Variants in PAH observed in about 807,000 individuals in gnomAD.
PAH encodes phenylalanine hydroxylase.
Under a neutral mutation model 62.0 loss-of-function variants are expected in PAH, and 64 were observed. The observed-to-expected ratio is 1.03, with a 90% CI of 0.84 to 1.27. PAH has a LOEUF of 1.27. Ranked by LOEUF, PAH falls within the 50% of genes most tolerant of loss-of-function variation. The pLI is 0.00. For synonymous variants in PAH, 195 were observed against 196.2 expected, an observed-to-expected ratio of 0.99 and a Z score of 0.05; for missense variants, 579 against 542.8, an observed-to-expected ratio of 1.07 and a Z score of -0.66.
intron 1 of PAH, among the ~76,000 whole-genome samples, chr12:102,924,552 A>T (rs1016317588): frequency 3.9e-5 from 6 of 152,162 alleles, no homozygotes; most frequent in Non-Finnish European, 7.4e-5. Context: ...CAGCAGAATT[A>T]TTTATTGTCC....
chr12:102,940,257 T>C (rs1879244937), intron 1 of PAH, among the ~76,000 whole-genome samples: 1 of 152,272 alleles, frequency 6.6e-6, no homozygotes, highest in Non-Finnish European at 1.5e-5. Flanking sequence ...ACTCTGACAA[T>C]TCTAAAAGCC....
intron 6 of PAH, among the ~76,000 whole-genome samples, chr12:102,854,204 C>T (rs1251295094): frequency 6.6e-6 from 1 of 152,130 alleles, no homozygotes; most frequent in African/African-American, 2.4e-5. Flanking sequence ...TCATCTAACT[C>T]ACCCCCAAAC....
chr12:102,897,967 T>A (rs1877581923), intron 2 of PAH, among the ~76,000 whole-genome samples: 1 of 152,212 alleles, frequency 6.6e-6, no homozygotes, highest in African/African-American at 2.4e-5. Flanking sequence ...AAACCTGGAC[T>A]CTTTACACTG....
chr12:102,866,560 T>C, intron 5 of PAH, 36 bp downstream of exon 5: 1 of 1,562,654 alleles, frequency 6.4e-7, no homozygotes, highest in Non-Finnish European at 8.8e-7. Context: ...GGGGTGTGTT[T>C]TTCTCTCTTC....
At position 102,837,007 on chromosome 12, in the gene PAH, T is replaced by C. The variant is rs1296736306; in HGVS notation, c.*2168A>G. 1 of 152,228 alleles carries C rather than the reference T, an allele frequency of 6.6e-6. No homozygotes were observed. Among genetic ancestry groups the C allele is most frequent in the Admixed American group, 6.5e-5 (1 of 15,288 alleles). The allele number at this position is 152,228 out of a possible 1,614,324, so 9.4% of individuals were successfully genotyped here. On this transcript the variant is annotated 3_prime_UTR_variant, in exon 13 of 13. Transcript: ENST00000553106. ...CTTTCAGAAACTTATTAAACATCAA[T>C]GCCACATGCTTAGAATTTTTTATGT...
At chr12:102,874,395 G>T (rs1876477835) in intron 4 of PAH, among the ~76,000 whole-genome samples, 1 of 152,164 alleles carries the variant, frequency 6.6e-6, no homozygotes, top group Non-Finnish European at 1.5e-5. Flanking sequence ...ACAGGCCCCT[G>T]GAGGGCAGGG....
At chr12:102,946,690 T>C (rs185493833) in intron 1 of PAH, 3 of 152,510 alleles carry the variant, frequency 2.0e-5, no homozygotes, top group African/African-American at 7.2e-5. Context: ...TCTACCTTCT[T>C]AGGTGTCCCT....
chr12:102,931,045 A>G (rs1017865975), intron 1 of PAH, among the ~76,000 whole-genome samples: 1 of 152,210 alleles, frequency 6.6e-6, no homozygotes, highest in Non-Finnish European at 1.5e-5. Context: ...CCAAAAATAC[A>G]GAAACAGTTA....
intron 6 of PAH, among the ~76,000 whole-genome samples, chr12:102,854,294 C>T (rs913114615): frequency 2.6e-5 from 4 of 152,178 alleles, no homozygotes; most frequent in Non-Finnish European, 5.9e-5. Context: ...CTGCACAGCT[C>T]TGATATATAG....
chr12:102,950,684 C>T (rs1879716111), exon 1 of PAH: 1 of 152,220 alleles, frequency 6.6e-6, no homozygotes, highest in Non-Finnish European at 1.5e-5. Context: ...TCGCCCCAGC[C>T]GGTAGTCTCC....
intron 1 of PAH, among the ~76,000 whole-genome samples, chr12:102,922,303 C>T (rs1489053388): frequency 6.6e-6 from 1 of 151,838 alleles, no homozygotes; most frequent in African/African-American, 2.4e-5. Context: ...AAGTGATTCC[C>T]CCACCTCAGC....
At chr12:102,939,393 C>T (rs879867733) in intron 1 of PAH, among the ~76,000 whole-genome samples, 1 of 152,208 alleles carries the variant, frequency 6.6e-6, no homozygotes, top group Non-Finnish European at 1.5e-5. Context: ...CCAGGCAGGG[C>T]CCACTGGCTT....
intron 3 of PAH, among the ~76,000 whole-genome samples, chr12:102,889,428 T>C (rs1007977408): frequency 2.0e-5 from 3 of 151,534 alleles, no homozygotes; most frequent in Admixed American, 6.6e-5. Context: ...GATAGATAGA[T>C]AGATAGATAG....
At chr12:102,873,952 T>C (rs1290438220) in intron 4 of PAH, among the ~76,000 whole-genome samples, 2 of 152,236 alleles carry the variant, frequency 1.3e-5, no homozygotes, top group Non-Finnish European at 2.9e-5. Context: ...AACATGCATA[T>C]GGCCCTTTCA....
intron 11 of PAH, among the ~76,000 whole-genome samples, chr12:102,841,793 C>T (rs977589729): frequency 6.6e-6 from 1 of 152,158 alleles, no homozygotes; most frequent in Non-Finnish European, 1.5e-5. Context: ...GTGATTTACC[C>T]CTACCCTACT....
upstream of PAH, chr12:102,917,499 G>C: frequency 3.1e-6 from 1 of 327,708 alleles, no homozygotes. Context: ...AGGCACTTCC[G>C]GGACTCTCAG....
intron 7 of PAH, 32 bp from the exon 8 acceptor site, chr12:102,851,788 GGGA>G (rs768288352): frequency 1.1e-5 from 17 of 1,588,684 alleles, no homozygotes; most frequent in Non-Finnish European, 1.4e-5. Context: ...GAGCTCGGAG[GGGA>G]GGAGGTTTAA....
chr12:102,917,314 G>T, upstream of PAH: 1 of 649,268 alleles, frequency 1.5e-6, no homozygotes, highest in Non-Finnish European at 2.8e-6. Context: ...TCCTGACGCA[G>T]GAGGCCAGGG....
chr12:102,877,913 C>T (rs1348401538), intron 3 of PAH, among the ~76,000 whole-genome samples: 1 of 152,134 alleles, frequency 6.6e-6, no homozygotes, highest in East Asian at 1.9e-4. Context: ...GAAACCTCTG[C>T]CTCCTGGGTT....
Sources: gnomAD v4.1 joint callset for allele counts (sites outside exome capture counted in the v4.1 genomes callset) on GRCh38, gnomAD v4.1.1 for gene constraint, MANE v1.5 for transcripts, NCBI Gene and HGNC (gene_info 2026-07-23, HGNC 2026-07-21) for gene names.